The following INTS1 variants were observed in gnomAD, a reference collection of about 807,000 sequenced individuals.
The protein encoded by INTS1 is integrator complex subunit 1.
INTS1 carries 137 observed loss-of-function variants against 241.6 expected under a neutral mutation model. That is an observed-to-expected ratio of 0.57 (90% CI 0.49 to 0.65). INTS1 has a LOEUF of 0.65. INTS1 is among the 30% of genes least tolerant of loss of function. The pLI is 0.00. For synonymous variants in INTS1, 1,692 were observed against 1,337.8 expected, an observed-to-expected ratio of 1.26 and a Z score of -5.78; for missense variants, 3,073 against 3,032.2, an observed-to-expected ratio of 1.01 and a Z score of -0.32.
chr7:1,500,983 G>GT (rs1343916300), intron 3 of INTS1: 1 of 152,164 alleles, frequency 6.6e-6, no homozygotes, highest in Non-Finnish European at 1.5e-5. Flanking sequence ...TTAGGACTGT[G>GT]TTTTTAAATA....
intron 14 of INTS1, chr7:1,494,472 C>G: frequency 2.5e-6 from 1 of 397,524 alleles, no homozygotes. Context: ...GTGCGGCTGT[C>G]TGGACAGAAG....
rs745585237 is a variant in INTS1 at position 1,472,361 on chromosome 7, G to A, written c.6096C>T (p.Pro2032=). ...GGGTGAACAGGGAGACGCTGACCAG[G>A]GGCAAGGAGCCGGCTGAGCTCTCCT... is the stretch of plus-strand genomic sequence containing the variant. ...GEEESSAGSL[P]LVSVSLFTPL... Residue 2032 remains proline, a synonymous_variant, in exon 44 of 48, where the codon CCC becomes CCT. Transcript: ENST00000404767. 14 of 1,567,490 alleles carry A rather than the reference G, an allele frequency of 8.9e-6. No homozygotes were observed. Among genetic ancestry groups the A allele is most frequent in the South Asian group, 1.2e-5 (1 of 85,506 alleles).
chr7:1,484,236 A>G (rs927686624), intron 24 of INTS1, 66 bp from the exon 25 acceptor site: 1 of 1,508,750 alleles, frequency 6.6e-7, no homozygotes, highest in Non-Finnish European at 9.0e-7. Context: ...AGCTGGGGTG[A>G]CCTCGTCGCA....
chr7:1,489,748 C>A, intron 16 of INTS1, 66 bp from the exon 17 acceptor site: 1 of 1,217,388 alleles, frequency 8.2e-7, no homozygotes, highest in Non-Finnish European at 1.1e-6. Flanking sequence ...ATCGGCCGGG[C>A]CAGGTGGCAA....
chr7:1,500,572 A>G (rs921286515), intron 3 of INTS1, among the ~76,000 whole-genome samples: 5 of 152,202 alleles, frequency 3.3e-5, no homozygotes, highest in Non-Finnish European at 4.4e-5. Flanking sequence ...CACAGGCCTC[A>G]GCACTAGCCC....
chr7:1,473,524 C>T (rs1221843684), intron 42 of INTS1, 42 bp downstream of exon 42: 13 of 1,555,096 alleles, frequency 8.4e-6, no homozygotes, highest in East Asian at 2.4e-5. Flanking sequence ...GCTGGACCCT[C>T]GCCGGAGGCC....
At chr7:1,503,215 C>T (rs368003519) in intron 2 of INTS1, 24 bp from the exon 3 acceptor site, 21 of 1,516,606 alleles carry the variant, frequency 1.4e-5, no homozygotes, top group Non-Finnish European at 1.8e-5. Context: ...AGAGAGAAAA[C>T]CGGGCACATT....
At chr7:1,494,635 G>T in intron 14 of INTS1, 181 bp downstream of exon 14, 1 of 662,282 alleles carries the variant, frequency 1.5e-6, no homozygotes, top group Non-Finnish European at 2.7e-6. Flanking sequence ...AGTGGCGCTG[G>T]GACGCCAGCA....
Position 1,483,829 on chromosome 7 carries a change from G to A in INTS1, c.3454C>T (p.Leu1152=). The A allele has an allele frequency of 6.2e-7, 1 of 1,612,200 alleles. No homozygotes were observed. The highest frequency in any genetic ancestry group is 8.5e-7 in the Non-Finnish European group (1 of 1,179,278). The change falls in exon 26 of 48, where the codon CTA becomes TTA. Residue 1152 remains leucine, a synonymous_variant. Transcript: ENST00000404767. ...GCTGTCTCCCCGCTGCTCCAGCGTA[G>A]GAAGACCTGGTCCTGAGACTCCGAC... The part of the protein sequence containing the change: ...SWSESQDQVF[L]RWSSGETATM...
chr7:1,478,565 C>A, intron 32 of INTS1, 59 bp from the exon 33 acceptor site: 2 of 1,570,544 alleles, frequency 1.3e-6, no homozygotes, highest in Non-Finnish European at 1.7e-6. Context: ...CGGTGTATCC[C>A]ATCCAGGGAG....
chr7:1,486,586 A>G lies in INTS1; in HGVS notation c.2976+39T>C. The G allele has an allele frequency of 3.8e-6, 6 of 1,593,842 alleles. 1 individual carries two copies. In the East Asian group the frequency reaches 9.1e-5, roughly 24 times the overall value. ...GGTCCCCAGCCTACTCATTTTAAAC[A>G]TGAAGAGCGTGCGCAGAAAGACCCG... On this transcript the variant is annotated intron_variant, in intron 22 of 47. Transcript: ENST00000404767.
In INTS1 at chr7:1,476,080, G is replaced by T; in HGVS notation, c.5379-9C>A. ...AGCGCCTGCCCAGCACGCTGGAAGA[G>T]GTGGAGCAGGGCTCACCAGGCGGAC... On this transcript the variant is annotated splice_polypyrimidine_tract_variant and intron_variant, in intron 38 of 47. Coordinates refer to ENST00000404767, the MANE Select transcript of INTS1 (RefSeq NM_001080453.3). 6.5e-7 allele frequency: 1 copy of T among 1,538,842 alleles called. No homozygotes were observed. The highest frequency in any genetic ancestry group is 1.4e-5 in the African/African-American group (1 of 73,038).
Position 1,479,523 on chromosome 7 carries a change from C to T in INTS1, c.4236G>A (p.Leu1412=), listed in dbSNP as rs1317285673. Residue 1412 remains leucine (L), a synonymous_variant, in exon 31 of 48, where the codon CTG becomes CTA. Coordinates refer to ENST00000404767, the MANE Select transcript of INTS1 (RefSeq NM_001080453.3). The part of the protein sequence containing the change: ...TVRVLQALAT[L]LSSPHGGALV... ...GGGCACCGCCGTGTGGGGAGCTGAGCAGGGTGGCGAGGGCCTGCAGGACAC... is the reference window on the plus strand; with the variant it reads ...GGGCACCGCCGTGTGGGGAGCTGAGTAGGGTGGCGAGGGCCTGCAGGACAC... The T allele has an allele frequency of 1.3e-6, 2 of 1,566,352 alleles. No homozygotes were observed. The highest frequency in any genetic ancestry group is 2.4e-5 in the South Asian group (2 of 85,076).
intron 32 of INTS1, 89 bp from the exon 33 acceptor site, chr7:1,478,595 C>T: frequency 6.6e-7 from 1 of 1,521,780 alleles, no homozygotes; most frequent in Non-Finnish European, 8.9e-7. Context: ...TAGAAGGGCT[C>T]CCCTGGGCCC....
chr7:1,475,864 T>C lies in INTS1; in HGVS notation c.5502+84A>G, dbSNP rs1332881215. 9 of 1,474,386 alleles carry C rather than the reference T, an allele frequency of 6.1e-6. No individual in the cohort carries two copies. In the East Asian group the frequency reaches 7.5e-5, roughly 12 times the overall value. The allele number at this position is 1,474,386 out of a possible 1,614,324, so 91.3% of individuals were successfully genotyped here. ...CAAGAGGGGTAGCCGGCGATGGCCA[T>C]GTACACTGTGGCCTCCGCCCTCCCT... On this transcript the variant is annotated intron_variant, in intron 39 of 47. Transcript: ENST00000404767.
chr7:1,483,929 C>T (rs1782119523), intron 25 of INTS1, 74 bp downstream of exon 25: 21 of 1,582,688 alleles, frequency 1.3e-5, no homozygotes, highest in Admixed American at 1.0e-4. Context: ...CAGCTGGCAC[C>T]GAGCGTGCCG....
intron 8 of INTS1, 45 bp downstream of exon 8, chr7:1,498,930 G>GGCCCCCCCCCCCCCCCCC: frequency 2.1e-6 from 3 of 1,460,164 alleles, no homozygotes; most frequent in Middle Eastern, 2.4e-4. Flanking sequence ...CACAGAGCCT[G>GGCCCCCCCCCCCCCCCCC]CCCCCACCCC....
At chr7:1,478,576 G>T in intron 32 of INTS1, 70 bp from the exon 33 acceptor site, 1 of 1,553,444 alleles carries the variant, frequency 6.4e-7, no homozygotes, top group Non-Finnish European at 8.7e-7. Flanking sequence ...ATCCAGGGAG[G>T]CCCCACGGTA....
In INTS1 at chr7:1,493,126, A is replaced by G. The variant is rs1268206668; in HGVS notation, c.2069-20T>C. On this transcript the variant is annotated intron_variant, in intron 15 of 47. Coordinates refer to ENST00000404767, the MANE Select transcript of INTS1 (RefSeq NM_001080453.3). The surrounding 1 kb of genome is among the most constrained non-coding windows in gnomAD (Gnocchi z 5.3). ...CCACATCTAAGACCAAGAGCCACAC[A>G]TGGGTTCTGGGGCTGCTCACAGACC... 6.7e-6 allele frequency: 10 copies of G among 1,495,138 alleles called. No individual in the cohort carries two copies. The highest frequency in any genetic ancestry group is 1.8e-4 in the Middle Eastern group (1 of 5,486). 92.6% of individuals were successfully genotyped at this position (1,495,138 alleles called of 1,614,324 possible). A position where few individuals can be genotyped will look rare whatever the true frequency, so the allele number is the denominator to read the frequency against.
Sources: allele counts gnomAD v4.1 joint callset (sites outside exome capture counted in the v4.1 genomes callset), GRCh38; gene constraint gnomAD v4.1.1; non-coding constraint Gnocchi (gnomAD v3.1); transcripts MANE v1.5; gene names NCBI Gene and HGNC (gene_info 2026-07-23, HGNC 2026-07-21).